Variants in RSPO3 observed in about 807,000 individuals in gnomAD.
The protein encoded by RSPO3 is R-spondin-3.
RSPO3 carries 17 observed loss-of-function variants against 36.5 expected under a neutral mutation model. The ratio of observed to expected loss-of-function variants is 0.47; its 90% confidence interval spans 0.32 to 0.70. RSPO3 has a LOEUF of 0.70. RSPO3 is among the 30% of genes least tolerant of loss of function. The pLI is 0.04. For synonymous variants in RSPO3, 108 were observed against 107.0 expected, an observed-to-expected ratio of 1.01 and a Z score of -0.06; for missense variants, 294 against 322.5, an observed-to-expected ratio of 0.91 and a Z score of 0.68.
chr6:127,185,229 T>G (rs1035129941), intron 4 of RSPO3, among the ~76,000 whole-genome samples: 1 of 152,040 alleles, frequency 6.6e-6, no homozygotes, highest in Non-Finnish European at 1.5e-5. Flanking sequence ...AAATGGATGT[T>G]GAAAGTATTT....
At chr6:127,178,953 C>G (rs975418550) in intron 4 of RSPO3, among the ~76,000 whole-genome samples, 11 of 151,782 alleles carry the variant, frequency 7.2e-5, no homozygotes, top group Admixed American at 2.0e-4. Context: ...ATAAATTCCC[C>G]AAAGTTCTGT....
chr6:127,172,065 C>A (rs1463103849), intron 4 of RSPO3, among the ~76,000 whole-genome samples: 1 of 150,786 alleles, frequency 6.6e-6, no homozygotes, highest in African/African-American at 2.4e-5. Flanking sequence ...CTACAAGCAC[C>A]TAAAGTTCCA....
At chr6:127,139,721 AAC>A (rs1342211015) in intron 1 of RSPO3, among the ~76,000 whole-genome samples, 5 of 152,010 alleles carry the variant, frequency 3.3e-5, no homozygotes, top group Non-Finnish European at 7.4e-5. Flanking sequence ...ATTACCTACT[AAC>A]TCATCAATAG....
intron 1 of RSPO3, among the ~76,000 whole-genome samples, chr6:127,120,892 C>T (rs1032949509): frequency 2.6e-5 from 4 of 152,380 alleles, no homozygotes; most frequent in East Asian, 1.9e-4. Context: ...TCTTTCATTC[C>T]GGCCCGGACG....
chr6:127,172,905 A>G (rs76850652), intron 4 of RSPO3, among the ~76,000 whole-genome samples: 157 of 151,892 alleles, frequency 1.0e-3, no homozygotes, highest in African/African-American at 3.7e-3. Context: ...TTGAGGCTGA[A>G]AAGAGTATAT....
At chr6:127,184,993 C>T (rs1562254320) in intron 4 of RSPO3, among the ~76,000 whole-genome samples, 1 of 151,966 alleles carries the variant, frequency 6.6e-6, no homozygotes, top group Non-Finnish European at 1.5e-5. Flanking sequence ...ACTTCCAAAC[C>T]TACCCTCATC....
chr6:127,154,279 T>C (rs1774549408), intron 3 of RSPO3, among the ~76,000 whole-genome samples: 1 of 152,198 alleles, frequency 6.6e-6, no homozygotes, highest in Non-Finnish European at 1.5e-5. Context: ...TTACTGTTGC[T>C]AGCTGTTGTT....
chr6:127,139,796 C>T (rs921399611), intron 1 of RSPO3, among the ~76,000 whole-genome samples: 40 of 152,180 alleles, frequency 2.6e-4, no homozygotes, highest in African/African-American at 8.7e-4. Context: ...CCTCTATTCA[C>T]CTCCACTTGG....
At chr6:127,158,079 C>T (rs991552614) in intron 4 of RSPO3, among the ~76,000 whole-genome samples, 4 of 151,202 alleles carry the variant, frequency 2.6e-5, no homozygotes, top group African/African-American at 7.3e-5. Context: ...GAATTTATAA[C>T]CTAAATGATA....
chr6:127,133,950 T>C (rs1187579723), intron 1 of RSPO3, among the ~76,000 whole-genome samples: 4 of 152,188 alleles, frequency 2.6e-5, no homozygotes, highest in African/African-American at 7.2e-5. Context: ...AAACAATATT[T>C]GGCTAAAGAT....
intron 4 of RSPO3, among the ~76,000 whole-genome samples, chr6:127,188,841 T>C (rs907645172): frequency 2.6e-5 from 4 of 152,258 alleles, no homozygotes; most frequent in Admixed American, 1.3e-4. Context: ...ATAAAACTCC[T>C]CTCTTTTAAA....
chr6:127,190,402 T>C (rs773466175), intron 4 of RSPO3, among the ~76,000 whole-genome samples: 3 of 151,976 alleles, frequency 2.0e-5, no homozygotes, highest in Non-Finnish European at 4.4e-5. Flanking sequence ...CAGTACAGCA[T>C]GGGCAAAAAG....
chr6:127,135,192 C>T (rs1017259231), intron 1 of RSPO3, among the ~76,000 whole-genome samples: 9 of 151,822 alleles, frequency 5.9e-5, no homozygotes, highest in African/African-American at 1.9e-4. Flanking sequence ...GAGGCCAAGG[C>T]GGGCAGATTA....
chr6:127,119,173 G>A lies in RSPO3; in HGVS notation c.-20G>A, dbSNP rs375665039. ...ATCAAAAGAAAGAGGAGAAAGGAAG[G>A]GAAGCATTACTGGGTTACTATGCAC... On this transcript the variant is annotated 5_prime_UTR_variant, in exon 1 of 5. Transcript: ENST00000356698. The A allele has an allele frequency of 2.0e-6, 3 of 1,519,584 alleles. No individual in the cohort carries two copies. The highest frequency in any genetic ancestry group is 2.8e-5 in the African/African-American group (2 of 72,622). The allele number at this position is 1,519,584 out of a possible 1,614,324, so 94.1% of individuals were successfully genotyped here. A position where few individuals can be genotyped will look rare whatever the true frequency, so the allele number is the denominator to read the frequency against.
chr6:127,192,726 C>G, intron 4 of RSPO3: 1 of 974,878 alleles, frequency 1.0e-6, no homozygotes, highest in Non-Finnish European at 1.2e-6. Context: ...TGCGTGTACA[C>G]ATGCACACAA....
At chr6:127,157,140 T>C (rs879568028) in intron 4 of RSPO3, among the ~76,000 whole-genome samples, 1 of 152,132 alleles carries the variant, frequency 6.6e-6, no homozygotes, top group Non-Finnish European at 1.5e-5. Flanking sequence ...ATTTTAAAAG[T>C]TGGATTTGGA....
At chr6:127,166,962 C>T (rs1458637341) in intron 4 of RSPO3, among the ~76,000 whole-genome samples, 2 of 151,828 alleles carry the variant, frequency 1.3e-5, no homozygotes, top group Non-Finnish European at 2.9e-5. Flanking sequence ...TCTAATTTTT[C>T]TATTAAGTAA....
chr6:127,135,350 G>A (rs376609786), intron 1 of RSPO3, among the ~76,000 whole-genome samples: 4 of 151,418 alleles, frequency 2.6e-5, no homozygotes, highest in East Asian at 3.9e-4. Context: ...GAACCCAGGA[G>A]GCAGAGGTTG....
At chr6:127,160,143 A>T (rs1774681939) in intron 4 of RSPO3, among the ~76,000 whole-genome samples, 1 of 152,130 alleles carries the variant, frequency 6.6e-6, no homozygotes, top group Non-Finnish European at 1.5e-5. Flanking sequence ...GTAGGTCGTA[A>T]ATGGTCAAAT....
Sources: allele counts gnomAD v4.1 joint callset (sites outside exome capture counted in the v4.1 genomes callset), GRCh38; gene constraint gnomAD v4.1.1; transcripts MANE v1.5; gene names NCBI Gene and HGNC (gene_info 2026-07-23, HGNC 2026-07-21).